DUSP18: variants seen among roughly 807,000 people sequenced by gnomAD.
DUSP18 encodes dual specificity phosphatase 18, also known as dual specificity protein phosphatase 18.
Under a neutral mutation model 6.3 loss-of-function variants are expected in DUSP18, and 4 were observed. The ratio of observed to expected loss-of-function variants is 0.63; its 90% CI spans 0.31 to 1.45. The LOEUF (loss-of-function observed/expected upper bound fraction) is 1.45, where lower values mean the gene tolerates loss of function less well. Among genes scored for constraint, DUSP18 ranks in the 40% most tolerant of loss-of-function variants. DUSP18 has a pLI of 0.07. For synonymous variants in DUSP18, 96 were observed against 95.1 expected, an observed-to-expected ratio of 1.01 and a Z score of -0.05; for missense variants, 235 against 247.7, an observed-to-expected ratio of 0.95 and a Z score of 0.34.
chr22:30,652,902 G>T (rs770906743), intron 2 of DUSP18, among the ~76,000 whole-genome samples: 19 of 152,216 alleles, frequency 1.2e-4, no homozygotes, highest in Non-Finnish European at 2.4e-4. Flanking sequence ...ACAAAGGCAG[G>T]ATTACCAGGA....
downstream of DUSP18, among the ~76,000 whole-genome samples, chr22:30,660,896 A>G (rs2088445596): frequency 6.6e-6 from 1 of 151,302 alleles, no homozygotes; most frequent in African/African-American, 2.4e-5. Flanking sequence ...CTGGAGTGCA[A>G]TGTCCTGATC....
rs1045851006 is a variant in DUSP18, at chr22:30,663,384, G to C, written c.*53C>G. 4 of 1,518,020 alleles carry C rather than the reference G, an allele frequency of 2.6e-6. No homozygotes were observed. In the African/African-American group the frequency reaches 4.1e-5, roughly 16 times the overall value. The allele number at this position is 1,518,020 out of a possible 1,614,324, so 94.0% of individuals were successfully genotyped here. A position where few individuals can be genotyped will look rare whatever the true frequency, so the allele number is the denominator to read the frequency against. On this transcript the variant is annotated 3_prime_UTR_variant, in exon 2 of 2. Transcript: ENST00000334679. ...TGTTCAAGTTTGGATCTTGGTGTAAGATCAACAATAGATCTGTACCTCTGA... is the reference window on the plus strand; with the variant it reads ...TGTTCAAGTTTGGATCTTGGTGTAACATCAACAATAGATCTGTACCTCTGA...
In DUSP18 at chr22:30,663,178, C is replaced by T. The variant is rs1602104329; in HGVS notation, c.*259G>A. Reference sequence around the variant, plus strand: ...TGGGTGCTGCCCTCTTTCTTCTGGGCACCATCTGCCTCAACCTATCCCCTG... The same window carrying T: ...TGGGTGCTGCCCTCTTTCTTCTGGGTACCATCTGCCTCAACCTATCCCCTG... On this transcript the variant is annotated 3_prime_UTR_variant, in exon 2 of 2. Coordinates refer to ENST00000334679, the MANE Select transcript of DUSP18 (RefSeq NM_152511.5). The T allele has an allele frequency of 2.3e-6, 1 of 439,326 alleles. No homozygotes were observed. Among genetic ancestry groups the T allele is most frequent in the Non-Finnish European group, 4.1e-6 (1 of 244,744 alleles). 27.2% of individuals were successfully genotyped at this position (439,326 alleles called of 1,614,324 possible). A position where few individuals can be genotyped will look rare whatever the true frequency, so the allele number is the denominator to read the frequency against.
downstream of DUSP18, among the ~76,000 whole-genome samples, chr22:30,658,452 A>T (rs1044513978): frequency 2.6e-5 from 4 of 151,968 alleles, no homozygotes; most frequent in Admixed American, 2.6e-4. Context: ...ACTCTGACAA[A>T]GCGGAATCCT....
chr22:30,667,332 T>A (rs186149797), intron 1 of DUSP18, 130 bp downstream of exon 1: 2 of 152,254 alleles, frequency 1.3e-5, no homozygotes, highest in African/African-American at 4.8e-5. Flanking sequence ...GTTATAAACA[T>A]GGAACAAAGT....
chr22:30,656,166 G>A (rs1261387811), intron 2 of DUSP18, among the ~76,000 whole-genome samples: 2 of 151,808 alleles, frequency 1.3e-5, no homozygotes, highest in African/African-American at 4.8e-5. Flanking sequence ...TTGTAGAGAA[G>A]GAGTCTCACT....
downstream of DUSP18, among the ~76,000 whole-genome samples, chr22:30,657,720 C>G (rs991711280): frequency 1.3e-5 from 2 of 151,084 alleles, no homozygotes; most frequent in Non-Finnish European, 2.9e-5. Context: ...CTGGCTAACA[C>G]GGTGAAACCC....
exon 3 of DUSP18, chr22:30,652,134 T>C (rs997633721): frequency 6.6e-6 from 1 of 152,136 alleles, no homozygotes; most frequent in Non-Finnish European, 1.5e-5. Context: ...ACTTGGTGGG[T>C]TGGGGGAAGC....
At chr22:30,653,372 TTC>T (rs939396294) in intron 2 of DUSP18, among the ~76,000 whole-genome samples, 3 of 149,710 alleles carry the variant, frequency 2.0e-5, no homozygotes, top group African/African-American at 7.4e-5. Flanking sequence ...CCCTTCCTCC[TTC>T]TTTTTTTTTT....
In DUSP18 at chr22:30,663,844, C is replaced by A. The variant is rs1156442374; in HGVS notation, c.160G>T (p.Val54Leu). 6.2e-7 allele frequency: 1 copy of A among 1,614,094 alleles called. No homozygotes were observed. Among genetic ancestry groups the A allele is most frequent in the Admixed American group, 1.7e-5 (1 of 60,004 alleles). ...TCATACAAGGTGTTCACTACCTCCA[C>A]TGAGACATTGATGACCATGGTGATC... is the stretch of plus-strand genomic sequence containing the variant. The part of the protein sequence containing the change: ...NQITMVINVS[V>L]EVVNTLYEDI... Residue 54 changes from valine to leucine, a missense_variant, in exon 2 of 2, where the codon GTG becomes TTG. Transcript: ENST00000334679.
At chr22:30,657,820 C>T (rs1180589831), downstream of DUSP18, among the ~76,000 whole-genome samples, 4 of 151,334 alleles carry the variant, frequency 2.6e-5, no homozygotes, top group East Asian at 1.9e-4. Context: ...AGGAGAATGA[C>T]GTGAACTCGG....
downstream of DUSP18, among the ~76,000 whole-genome samples, chr22:30,658,330 G>A (rs556769726): frequency 6.6e-5 from 10 of 151,222 alleles, no homozygotes; most frequent in African/African-American, 2.4e-4. Context: ...CTTGAGGCCA[G>A]GAGTTTGAGA....
At chr22:30,667,041 G>T (rs2088698326) in intron 1 of DUSP18, 1 of 152,314 alleles carries the variant, frequency 6.6e-6, no homozygotes, top group Middle Eastern at 3.4e-3. Flanking sequence ...CGTTTAGCTT[G>T]AGAGGGAGGA....
downstream of DUSP18, among the ~76,000 whole-genome samples, chr22:30,660,218 G>T (rs2088429735): frequency 6.6e-6 from 1 of 152,302 alleles, no homozygotes; most frequent in African/African-American, 2.4e-5. Context: ...AAAATATATG[G>T]ATGTTGTTTT....
downstream of DUSP18, among the ~76,000 whole-genome samples, chr22:30,657,299 AC>A (rs368680613): frequency 0.17 from 10,973 of 64,180 alleles, 813 homozygotes; most frequent in East Asian, 0.4. Context: ...ACACACACAC[AC>A]ACACACAAAT....
At chr22:30,665,105 C>A (rs1346429449) in intron 1 of DUSP18, 1 of 154,676 alleles carries the variant, frequency 6.5e-6, no homozygotes, top group African/African-American at 2.4e-5. Context: ...CCCTCACTTT[C>A]TCAGTCTTAA....
chr22:30,659,613 C>A (rs1036658169), downstream of DUSP18, among the ~76,000 whole-genome samples: 1 of 152,116 alleles, frequency 6.6e-6, no homozygotes, highest in Admixed American at 6.6e-5. Context: ...CTCAGGTGAT[C>A]CACCAGCCTC....
At chr22:30,661,134 C>T (rs1348764892), downstream of DUSP18, among the ~76,000 whole-genome samples, 2 of 152,108 alleles carry the variant, frequency 1.3e-5, no homozygotes, top group East Asian at 3.8e-4. Flanking sequence ...AGCCACCACG[C>T]CCGGCCTCAA....
intron 2 of DUSP18, chr22:30,654,466 T>C: frequency 2.3e-6 from 1 of 435,938 alleles, no homozygotes; most frequent in South Asian, 1.7e-5. Context: ...CACCACCTGC[T>C]TTTTCGTCAT....
Sources: gnomAD v4.1 joint callset for allele counts (sites outside exome capture counted in the v4.1 genomes callset) on GRCh38, gnomAD v4.1.1 for gene constraint, MANE v1.5 for transcripts, NCBI Gene and HGNC (gene_info 2026-07-23, HGNC 2026-07-21) for gene names.